The following HDAC9 variants were observed in gnomAD, a reference collection of about 807,000 sequenced individuals.
HDAC9 encodes histone deacetylase 9.
A neutral mutation model predicts 139.4 loss-of-function variants in HDAC9; 41 were observed. The observed-to-expected ratio is 0.29, with a 90% CI of 0.23 to 0.38. The LOEUF is 0.38. Ranked by LOEUF, HDAC9 falls within the 10% of genes least tolerant of loss-of-function variation. The pLI, the probability that HDAC9 is intolerant of heterozygous loss-of-function variation, is 1.00. For synonymous variants in HDAC9, 517 were observed against 476.2 expected, an observed-to-expected ratio of 1.09 and a Z score of -1.12; for missense variants, 1,147 against 1,297.0, an observed-to-expected ratio of 0.88 and a Z score of 1.78.
At chr7:18,949,538 T>A (rs939182701) in intron 23 of HDAC9, 1 of 214,344 alleles carries the variant, frequency 4.7e-6, no homozygotes, top group Non-Finnish European at 9.9e-6. Flanking sequence ...GTTGCCAGTG[T>A]TACTTTTATT....
At chr7:18,570,175 G>A (rs1229035873) in intron 2 of HDAC9, among the ~76,000 whole-genome samples, 3 of 150,958 alleles carry the variant, frequency 2.0e-5, no homozygotes, top group Non-Finnish European at 4.4e-5. Flanking sequence ...GTGAATTTAA[G>A]AAAAACAAAA....
At chr7:18,174,769 T>C (rs2128136087) in intron 2 of HDAC9, among the ~76,000 whole-genome samples, 1 of 152,286 alleles carries the variant, frequency 6.6e-6, no homozygotes, top group East Asian at 1.9e-4. Context: ...TTTGCCTGGG[T>C]ATCACCAGTG....
At chr7:18,927,475 A>C (rs543073641) in intron 22 of HDAC9, among the ~76,000 whole-genome samples, 251 of 152,254 alleles carry the variant, frequency 1.6e-3, no homozygotes, top group Non-Finnish European at 2.7e-3. Context: ...GGGGGTTTAG[A>C]GAGGGAGGAA....
At chr7:18,227,708 C>T (rs1039118082) in intron 2 of HDAC9, among the ~76,000 whole-genome samples, 1 of 152,104 alleles carries the variant, frequency 6.6e-6, no homozygotes, top group Non-Finnish European at 1.5e-5. Context: ...AGCCTGCTGC[C>T]TGCTGTCATT....
intron 2 of HDAC9, among the ~76,000 whole-genome samples, chr7:18,555,590 C>T (rs58844869): frequency 0.018 from 2,785 of 152,094 alleles, 94 homozygotes; most frequent in African/African-American, 0.064. Flanking sequence ...GACACAAACA[C>T]ACAGATGTGT....
At chr7:18,415,482 A>G (rs1002818776) in intron 1 of HDAC9, among the ~76,000 whole-genome samples, 2 of 152,244 alleles carry the variant, frequency 1.3e-5, no homozygotes, top group African/African-American at 2.4e-5. Context: ...CCATAGTTGG[A>G]TAAGATGATT....
At chr7:18,458,763 G>T in intron 1 of HDAC9, 4 of 836,600 alleles carry the variant, frequency 4.8e-6, no homozygotes, top group Non-Finnish European at 7.8e-6. Context: ...GAGAGAGCTG[G>T]AGGTGGTGGC....
At chr7:18,286,834 C>A (rs974139555), upstream of HDAC9, among the ~76,000 whole-genome samples, 1 of 151,744 alleles carries the variant, frequency 6.6e-6, no homozygotes, top group Non-Finnish European at 1.5e-5. Flanking sequence ...TATTTTTTAC[C>A]ACTTTTAGAA....
chr7:18,356,801 T>C (rs1007482000), intron 1 of HDAC9, among the ~76,000 whole-genome samples: 1 of 152,142 alleles, frequency 6.6e-6, no homozygotes, highest in Admixed American at 6.6e-5. Flanking sequence ...AAAAGATAAA[T>C]GTAGAGTTCT....
intron 12 of HDAC9, among the ~76,000 whole-genome samples, chr7:18,697,923 A>G (rs1448555099): frequency 6.6e-6 from 1 of 152,156 alleles, no homozygotes; most frequent in Non-Finnish European, 1.5e-5. Flanking sequence ...CTTAATAAAA[A>G]GAATTTTGAT....
At position 18,805,441 on chromosome 7, in the gene HDAC9, A is replaced by G. The variant is rs547263219; in HGVS notation, c.2322+11989A>G. ...AGTGGAGAGCTGGCTGAACGTGCCC[A>G]TGTGGATAGGTCCAAGAGAGAGAAG... On this transcript the variant is annotated intron_variant, in intron 17 of 25. Transcript: ENST00000686413. Among the ~76,000 whole-genome samples, 17 of 152,330 alleles carry G rather than the reference A, an allele frequency of 1.1e-4. No individual in the cohort carries two copies. In the South Asian group the frequency reaches 2.7e-3, roughly 24 times the overall value.
intron 22 of HDAC9, among the ~76,000 whole-genome samples, chr7:18,876,164 G>GT (rs1387377631): frequency 6.6e-6 from 1 of 152,146 alleles, no homozygotes; most frequent in Non-Finnish European, 1.5e-5. Flanking sequence ...TGGCCATTAG[G>GT]TATAGGAGAC....
intron 1 of HDAC9, among the ~76,000 whole-genome samples, chr7:18,354,557 A>T (rs17347173): frequency 0.023 from 3,530 of 152,270 alleles, 56 homozygotes; most frequent in East Asian, 0.041. Context: ...TTGATTCTCT[A>T]CTGGTTTTGA....
upstream of HDAC9, chr7:18,290,249 A>C (rs1042807827): frequency 3.1e-6 from 1 of 321,500 alleles, no homozygotes; most frequent in African/African-American, 2.2e-5. Context: ...CATACCAGCT[A>C]TAGTAACTGT....
chr7:18,204,735 C>A (rs975980562), intron 2 of HDAC9, among the ~76,000 whole-genome samples: 1 of 151,568 alleles, frequency 6.6e-6, no homozygotes, highest in Non-Finnish European at 1.5e-5. Context: ...TATTTTTCTT[C>A]TTGATTTTCT....
chr7:18,732,667 G>A (rs1562891970), intron 13 of HDAC9, among the ~76,000 whole-genome samples: 7 of 132,882 alleles, frequency 5.3e-5, no homozygotes, highest in South Asian at 2.4e-4. Context: ...ACACACACGT[G>A]TATATGTGTG....
Position 18,762,293 on chromosome 7 carries a change from C to T in HDAC9, c.2164+16C>T. 1.2e-6 allele frequency: 2 copies of T among 1,612,854 alleles called. No homozygotes were observed. Among genetic ancestry groups the T allele is most frequent in the Non-Finnish European group, 8.5e-7 (1 of 1,179,276 alleles). On this transcript the variant is annotated intron_variant, in intron 15 of 25. Coordinates refer to ENST00000686413, the MANE Select transcript of HDAC9 (RefSeq NM_178425.4). ...ATACTCCTAGGTCTGTACGGGCCTC[C>T]ACTGTACTGGGAACAGCACATTCCA...
At chr7:18,664,843 T>A (rs1340203344) in intron 11 of HDAC9, among the ~76,000 whole-genome samples, 1 of 152,198 alleles carries the variant, frequency 6.6e-6, no homozygotes, top group Non-Finnish European at 1.5e-5. Context: ...TGAAGCTTTC[T>A]AAGACATTCA....
At chr7:18,497,000 G>A (rs1426233200) in intron 2 of HDAC9, among the ~76,000 whole-genome samples, 1 of 152,092 alleles carries the variant, frequency 6.6e-6, no homozygotes, top group African/African-American at 2.4e-5. Context: ...CAGGTGCAGC[G>A]TTTTAAAGGA....
Sources: allele counts gnomAD v4.1 joint callset (sites outside exome capture counted in the v4.1 genomes callset), GRCh38; gene constraint gnomAD v4.1.1; transcripts MANE v1.5; gene names NCBI Gene and HGNC (gene_info 2026-07-23, HGNC 2026-07-21).